Variants in MASP1 observed in about 807,000 individuals in gnomAD.
The protein encoded by MASP1 is MBL associated serine protease 1.
A neutral mutation model predicts 77.1 loss-of-function variants in MASP1; 59 were observed. The observed-to-expected ratio is 0.77, with a 90% CI of 0.62 to 0.95. MASP1 has a LOEUF of 0.95. MASP1 is among the 40% of genes least tolerant of loss of function. The probability of loss-of-function intolerance (pLI) is 0.00; values close to 1 mark genes in which losing one functional copy is unlikely to be tolerated. For missense variants in MASP1, 885 were observed against 912.9 expected (o/e 0.97, Z 0.39); for synonymous variants, 362 against 354.5 (o/e 1.02, Z -0.24).
downstream of MASP1, among the ~76,000 whole-genome samples, chr3:187,232,688 A>G (rs937277244): frequency 6.6e-5 from 10 of 152,168 alleles, no homozygotes; most frequent in Admixed American, 2.6e-4. Flanking sequence ...AGTGCTCTCT[A>G]TGTACCTCAA....
intron 2 of MASP1, among the ~76,000 whole-genome samples, chr3:187,278,812 G>A (rs189464486): frequency 9.9e-5 from 15 of 152,102 alleles, no homozygotes; most frequent in South Asian, 4.2e-4. Context: ...AGTATACTAC[G>A]CTCCACATAG....
Position 187,262,709 on chromosome 3 carries a change from C to G in MASP1, c.249G>C (p.Glu83Asp). Residue 83 changes from glutamate to aspartate, a missense_variant, in exon 3 of 11, where the codon GAG (glutamate) becomes GAC (aspartate). Physicochemically the swap from Glu to Asp is conservative, Grantham distance 45. Transcript: ENST00000296280. The stretch of plus-strand genomic sequence containing the variant: ...CACAGAAGGTTGCCAGCACCTGGTC[C>G]TCAGTTTCTACCTTTGAGGTCAAAG... ...CEYDYVKVET[E>D]DQVLATFCGR... 6.2e-7 allele frequency: 1 copy of G among 1,614,040 alleles called. No homozygotes were observed. The highest frequency in any genetic ancestry group is 8.5e-7 in the Non-Finnish European group (1 of 1,179,990).
At chr3:187,245,684 A>T (rs1453312045) in intron 8 of MASP1, among the ~76,000 whole-genome samples, 3 of 152,088 alleles carry the variant, frequency 2.0e-5, no homozygotes, top group Middle Eastern at 6.8e-3. Flanking sequence ...CACACACTAG[A>T]CCCTGCTTCC....
At position 187,250,584 on chromosome 3, in the gene MASP1, G is replaced by A. The variant is rs75395106; in HGVS notation, c.1012-255C>T. The stretch of plus-strand genomic sequence containing the variant: ...GGGCAACTATCTCTGAAGGGAAAAC[G>A]GTAAGCATTGACTCCTTTTTCAGAG... On this transcript the variant is annotated intron_variant, in intron 7 of 10. Coordinates refer to ENST00000296280, the MANE Select transcript of MASP1 (RefSeq NM_139125.4). Among the ~76,000 whole-genome samples the A allele has an allele frequency of 4.6e-5, 7 of 152,294 alleles. No individual in the cohort carries two copies. In the East Asian group the frequency reaches 5.8e-4, roughly 13 times the overall value.
At chr3:187,268,376 A>G (rs1176760042) in intron 2 of MASP1, among the ~76,000 whole-genome samples, 3 of 151,852 alleles carry the variant, frequency 2.0e-5, no homozygotes, top group Non-Finnish European at 4.4e-5. Flanking sequence ...AGTCCCAGCT[A>G]CCCTGGAGGC....
intron 9 of MASP1, chr3:187,242,196 G>A (rs1305821972): frequency 6.5e-6 from 1 of 152,726 alleles, no homozygotes; most frequent in Non-Finnish European, 1.5e-5. Context: ...TAAGAGCTTT[G>A]TAACTCTTCC....
At chr3:187,219,918 G>A in exon 16 of MASP1, 1 of 747,822 alleles carries the variant, frequency 1.3e-6, no homozygotes, top group South Asian at 1.6e-5. Context: ...AGAGTGAAAA[G>A]GGGGTGAAGA....
intron 2 of MASP1, among the ~76,000 whole-genome samples, chr3:187,279,043 G>A (rs1480736129): frequency 6.6e-6 from 1 of 151,684 alleles, no homozygotes; most frequent in Non-Finnish European, 1.5e-5. Flanking sequence ...AAAGATGCCA[G>A]GCAGAAAACA....
intron 8 of MASP1, chr3:187,246,769 G>C: frequency 1.0e-6 from 1 of 961,004 alleles, no homozygotes; most frequent in African/African-American, 1.8e-5. Context: ...TCAGCCCTGC[G>C]CCAGATAGGG....
chr3:187,236,648 T>C, intron 10 of MASP1, 81 bp from the exon 11 acceptor site: 1 of 1,611,290 alleles, frequency 6.2e-7, no homozygotes, highest in Non-Finnish European at 8.5e-7. Context: ...AAAGATAAAT[T>C]CACATTTCAC....
intron 1 of MASP1, 67 bp from the exon 2 acceptor site, chr3:187,286,123 C>T: frequency 7.9e-7 from 1 of 1,268,494 alleles, no homozygotes; most frequent in Non-Finnish European, 1.1e-6. Flanking sequence ...ATCTCAATCA[C>T]AGCCAGGAGA....
At position 187,273,818 on chromosome 3, in the gene MASP1, A is replaced by G. The variant is rs113103151; in HGVS notation, c.238-11098T>C. ...TTGAAAGCCATGTAAAGTAAAAATA[A>G]CACAGCTGGCAGATCTAAGCTCAAG... is the stretch of plus-strand genomic sequence containing the variant. On this transcript the variant is annotated intron_variant, in intron 2 of 10. Transcript: ENST00000296280. Among the ~76,000 whole-genome samples the G allele has an allele frequency of 6.6e-3, 1,013 of 152,364 alleles. 13 individuals carry two copies. Among genetic ancestry groups the G allele is most frequent in the African/African-American group, 0.024 (978 of 41,586 alleles).
intron 10 of MASP1, among the ~76,000 whole-genome samples, chr3:187,239,330 C>A (rs1023780850): frequency 2.6e-5 from 4 of 152,046 alleles, no homozygotes; most frequent in Non-Finnish European, 5.9e-5. Flanking sequence ...GCAGCCTGGG[C>A]AACAAGAGCG....
intron 8 of MASP1, among the ~76,000 whole-genome samples, chr3:187,247,794 G>C (rs1044782495): frequency 6.6e-6 from 1 of 152,092 alleles, no homozygotes; most frequent in Non-Finnish European, 1.5e-5. Flanking sequence ...TCTAGTGCAC[G>C]TTTCTTTACC....
chr3:187,240,844 C>G (rs908828901), intron 10 of MASP1, among the ~76,000 whole-genome samples: 1 of 152,100 alleles, frequency 6.6e-6, no homozygotes, highest in Non-Finnish European at 1.5e-5. Context: ...CTGTGTTGAC[C>G]AGGCTGGTCT....
downstream of MASP1, chr3:187,229,954 C>G: frequency 6.2e-7 from 1 of 1,600,798 alleles, no homozygotes; most frequent in Non-Finnish European, 8.5e-7. Context: ...ATCTTGCCCA[C>G]TGCCAGAGCT....
chr3:187,266,328 A>T (rs899360444), intron 2 of MASP1, among the ~76,000 whole-genome samples: 1 of 152,180 alleles, frequency 6.6e-6, no homozygotes, highest in Non-Finnish European at 1.5e-5. Flanking sequence ...ATACGAGCTC[A>T]ATAAGCAAGT....
chr3:187,285,434 T>C (rs990076899), intron 2 of MASP1, among the ~76,000 whole-genome samples: 5 of 152,076 alleles, frequency 3.3e-5, no homozygotes, highest in Non-Finnish European at 5.9e-5. Flanking sequence ...TGGACAATGC[T>C]TTCTAATGCC....
At position 187,235,115 on chromosome 3, in the gene MASP1, G is replaced by A. The variant is rs1383177451; in HGVS notation, c.*569C>T. On this transcript the variant is annotated 3_prime_UTR_variant, in exon 11 of 11. Coordinates refer to ENST00000296280, the MANE Select transcript of MASP1 (RefSeq NM_139125.4). ...TGGGAGAGAAACCCCAGGCATGAAG[G>A]TGCTCCAAGGGATCACACTAAGAGA... 1.6e-6 allele frequency: 2 copies of A among 1,287,326 alleles called. No homozygotes were observed. The highest frequency in any genetic ancestry group is 2.5e-5 in the South Asian group (2 of 80,926). The allele number at this position is 1,287,326 out of a possible 1,614,324, so 79.7% of individuals were successfully genotyped here. A position where few individuals can be genotyped will look rare whatever the true frequency, so the allele number is the denominator to read the frequency against.
Sources: gnomAD v4.1 joint callset for allele counts (sites outside exome capture counted in the v4.1 genomes callset) on GRCh38, gnomAD v4.1.1 for gene constraint, MANE v1.5 for transcripts, NCBI Gene and HGNC (gene_info 2026-07-23, HGNC 2026-07-21) for gene names.